PTBP3: variants seen among roughly 807,000 people sequenced by gnomAD.
PTBP3 encodes polypyrimidine tract binding protein 3, also known as polypyrimidine tract-binding protein 3.
PTBP3 carries 20 observed loss-of-function variants against 58.7 expected under a neutral mutation model. The ratio of observed to expected loss-of-function variants is 0.34; its 90% CI spans 0.24 to 0.50. The LOEUF is 0.50. Ranked by LOEUF, PTBP3 falls within the 20% of genes least tolerant of loss-of-function variation. The pLI is 0.98. For missense variants in PTBP3, 509 were observed against 637.2 expected (o/e 0.80, Z 2.17); for synonymous variants, 185 against 219.8 (o/e 0.84, Z 1.40).
the PTBP3 span, among the ~76,000 whole-genome samples, chr9:112,379,761 C>G: frequency 6.6e-6 from 1 of 152,214 alleles, no homozygotes; most frequent in Non-Finnish European, 1.5e-5. Context: ...AGCTCGGAGC[C>G]GGCGCTGGAA....
chr9:112,365,797 G>T, the PTBP3 span, among the ~76,000 whole-genome samples: 1 of 152,184 alleles, frequency 6.6e-6, no homozygotes, highest in East Asian at 1.9e-4. Flanking sequence ...TGCTGATAAT[G>T]ATATGGATAA....
At chr9:112,337,875 T>C (rs1319181287), upstream of PTBP3, among the ~76,000 whole-genome samples, 1 of 152,238 alleles carries the variant, frequency 6.6e-6, no homozygotes, top group Admixed American at 6.5e-5. Flanking sequence ...TAAGACTTCT[T>C]AATATATAAA....
intron 3 of PTBP3, among the ~76,000 whole-genome samples, chr9:112,269,819 G>A (rs1479404736): frequency 2.0e-5 from 3 of 151,886 alleles, no homozygotes; most frequent in South Asian, 2.1e-4. Flanking sequence ...TAAATCTTTC[G>A]CCTTCTACTC....
In PTBP3 at chr9:112,223,205, A is replaced by T. The variant is rs1589789355; in HGVS notation, c.*646T>A. On this transcript the variant is annotated 3_prime_UTR_variant, in exon 14 of 14. Transcript: ENST00000374257. ...CACTGCATTTTTCCAAATAGTCTTA[A>T]AAAGTTAAAGATAGGCATTATTTAA... The T allele has an allele frequency of 2.1e-6, 2 of 935,500 alleles. No homozygotes were observed. 57.9% of individuals were successfully genotyped at this position (935,500 alleles called of 1,614,324 possible). A position where few individuals can be genotyped will look rare whatever the true frequency, so the allele number is the denominator to read the frequency against.
chr9:112,369,478 T>A, the PTBP3 span, among the ~76,000 whole-genome samples: 1 of 152,170 alleles, frequency 6.6e-6, no homozygotes, highest in East Asian at 1.9e-4. Context: ...TGACTATCCC[T>A]CTGGATTTTG....
chr9:112,233,154 A>G (rs1000817541), intron 8 of PTBP3, among the ~76,000 whole-genome samples: 1 of 151,960 alleles, frequency 6.6e-6, no homozygotes, highest in Non-Finnish European at 1.5e-5. Flanking sequence ...CACGAAATCA[A>G]TAGCCTTCAC....
rs1827590714 is a variant in PTBP3, at chr9:112,275,926, T to C, written c.122A>G (p.Asp41Gly). 1 of 1,613,758 alleles carries C rather than the reference T, an allele frequency of 6.2e-7. No homozygotes were observed. Among genetic ancestry groups the C allele is most frequent in the African/African-American group, 1.3e-5 (1 of 75,026 alleles). The change falls in exon 3 of 14, where the codon GAT becomes GGT. Residue 41 changes from aspartate (D) to glycine (G), a missense_variant. Asp to Gly is a moderately conservative substitution (Grantham distance 94). Around this residue, in one of 4 missense-constraint regions of PTBP3, gnomAD observed 212 missense variants for 215.3 expected, o/e 0.98. Transcript: ENST00000374257. ...TGATATGATCTCTGCTTCGGTGACA[T>C]CACATGGAATTTTTCGAAGATGGAG... is the stretch of plus-strand genomic sequence containing the variant. Reference protein sequence around the residue: ...RVLHLRKIPCDVTEAEIISLG... With the variant: ...RVLHLRKIPCGVTEAEIISLG...
chr9:112,290,705 TATACACAC>T (rs1352093594), intron 2 of PTBP3, among the ~76,000 whole-genome samples: 1 of 72,998 alleles, frequency 1.4e-5, no homozygotes, highest in African/African-American at 4.7e-5. Context: ...TATATATATA[TATACACAC>T]ACACACACAC....
chr9:112,356,482 A>C, the PTBP3 span, among the ~76,000 whole-genome samples: 2 of 151,932 alleles, frequency 1.3e-5, no homozygotes, highest in Admixed American at 6.6e-5. Context: ...GTGACATAGC[A>C]GTTGTCATAT....
Position 112,229,683 on chromosome 9 carries a change from G to A in PTBP3, c.1055-1211C>T, listed in dbSNP as rs186379407. 1.3e-3 allele frequency among the ~76,000 whole-genome samples: 192 copies of A among 152,210 alleles called. 1 individual carries two copies. Among genetic ancestry groups the A allele is most frequent in the African/African-American group, 4.4e-3 (181 of 41,550 alleles). On this transcript the variant is annotated intron_variant, in intron 10 of 13. Transcript: ENST00000374257. Reference sequence around the variant, plus strand: ...TACCTTTCTCAGAAATAACACGATGGTGATGTAACTATTCTTTAAAAACTA... The same window carrying A: ...TACCTTTCTCAGAAATAACACGATGATGATGTAACTATTCTTTAAAAACTA...
chr9:112,239,655 C>T (rs955512020), intron 7 of PTBP3, among the ~76,000 whole-genome samples: 4 of 151,622 alleles, frequency 2.6e-5, no homozygotes, highest in Admixed American at 2.6e-4. Context: ...TGCTTGAGCC[C>T]AGGAGTTCCA....
rs775929450 is a variant in PTBP3 at position 112,297,934 on chromosome 9, T to C, written c.-51-18A>G. 6 of 1,592,248 alleles carry C rather than the reference T, an allele frequency of 3.8e-6. No homozygotes were observed. Among genetic ancestry groups the C allele is most frequent in the Non-Finnish European group, 5.1e-6 (6 of 1,167,818 alleles). On this transcript the variant is annotated intron_variant, in intron 1 of 13. Coordinates refer to ENST00000374257, the MANE Select transcript of PTBP3 (RefSeq NM_001163788.4). ...GATCCCCGCTGAAAAGCAAAACCAA[T>C]GTTTGGTTAATAAACCAAGTTTTAG...
chr9:112,368,497 C>A, the PTBP3 span, among the ~76,000 whole-genome samples: 2 of 149,032 alleles, frequency 1.3e-5, no homozygotes, highest in African/African-American at 5.0e-5. Context: ...AGGGAGCACA[C>A]TGTGAAAGGA....
chr9:112,319,956 C>T (rs111237088), intron 1 of PTBP3, among the ~76,000 whole-genome samples: 71 of 152,182 alleles, frequency 4.7e-4, no homozygotes, highest in African/African-American at 1.3e-3. Flanking sequence ...CCCACTTACA[C>T]GCAGAATCTA....
Position 112,222,068 on chromosome 9 carries a change from TACAGGCGC to T in PTBP3, c.*1775_*1782del, listed in dbSNP as rs1027935862. The T allele has an allele frequency of 3.1e-6, 3 of 976,398 alleles. No homozygotes were observed. The highest frequency in any genetic ancestry group is 6.2e-5 in the Admixed American group (1 of 16,242). The allele number at this position is 976,398 out of a possible 1,614,324, so 60.5% of individuals were successfully genotyped here. On this transcript the variant is annotated 3_prime_UTR_variant, in exon 14 of 14. Coordinates refer to ENST00000374257, the MANE Select transcript of PTBP3 (RefSeq NM_001163788.4). The stretch of plus-strand genomic sequence containing the variant: ...TACAGGCTCAGCCTGTAGCTGGGAC[TACAGGCGC>T]ACAGGCGCACACCACCATGCCCAGC...
intron 9 of PTBP3, among the ~76,000 whole-genome samples, 173 bp downstream of exon 9, chr9:112,231,922 GAGAA>G (rs1835218907): frequency 2.1e-5 from 1 of 47,640 alleles, no homozygotes; most frequent in Non-Finnish European, 4.5e-5. Context: ...AAGAAGAGAA[GAGAA>G]GAGAAGAGAA....
At chr9:112,324,674 C>T (rs1354080786) in intron 1 of PTBP3, among the ~76,000 whole-genome samples, 15 of 148,290 alleles carry the variant, frequency 1.0e-4, no homozygotes, top group Non-Finnish European at 1.9e-4. Flanking sequence ...AAAAAAACAA[C>T]TTTAAAAGAA....
intron 7 of PTBP3, among the ~76,000 whole-genome samples, chr9:112,239,822 G>A (rs912549582): frequency 8.3e-5 from 9 of 108,796 alleles, no homozygotes; most frequent in Non-Finnish European, 1.4e-4. Context: ...AGGAAGGGAG[G>A]AAGGGAGGAA....
chr9:112,270,704 T>G (rs548046364), intron 3 of PTBP3, among the ~76,000 whole-genome samples: 11 of 152,220 alleles, frequency 7.2e-5, no homozygotes, highest in African/African-American at 2.6e-4. Context: ...TCAAAAAACA[T>G]TGTGAAGAAA....
Sources: gnomAD v4.1 joint callset for allele counts (sites outside exome capture counted in the v4.1 genomes callset) on GRCh38, gnomAD v4.1.1 for gene constraint, gnomAD v4.1.1 regional missense constraint, MANE v1.5 for transcripts, NCBI Gene and HGNC (gene_info 2026-07-23, HGNC 2026-07-21) for gene names.